Variants in NBAS observed in about 807,000 individuals in gnomAD.
NBAS encodes NAG/BC035112 fusion.
Under a neutral mutation model 302.5 loss-of-function variants are expected in NBAS, and 219 were observed. The observed-to-expected ratio is 0.72, with a 90% confidence interval of 0.65 to 0.81. The LOEUF is 0.81. Ranked by LOEUF, NBAS falls within the 30% of genes least tolerant of loss-of-function variation. The pLI, the probability that NBAS is intolerant of heterozygous loss-of-function variation, is 0.00. For missense variants in NBAS, 2,932 were observed against 2,841.6 expected, an observed-to-expected ratio of 1.03 and a Z score of -0.72; for synonymous variants, 1,118 against 1,021.6, an observed-to-expected ratio of 1.09 and a Z score of -1.80.
chr2:15,386,718 A>G (rs945016569), intron 28 of NBAS, among the ~76,000 whole-genome samples: 2 of 152,224 alleles, frequency 1.3e-5, no homozygotes, highest in African/African-American at 4.8e-5. Flanking sequence ...AAACTAAATG[A>G]CTACTAGGTC....
chr2:15,262,730 T>C (rs1338432608), intron 44 of NBAS, among the ~76,000 whole-genome samples: 1 of 152,200 alleles, frequency 6.6e-6, no homozygotes, highest in African/African-American at 2.4e-5. Context: ...TTAAAATTGT[T>C]TTCTCTGTTC....
Position 15,500,502 on chromosome 2 carries a change from TCACACA to T in NBAS, c.954+3637_954+3642del, listed in dbSNP as rs72095633. ...TCTACACCATTATATTTTAGAAGTC[TCACACA>T]CACACACACACACACACACACACAC... On this transcript the variant is annotated intron_variant, in intron 11 of 51. Transcript: ENST00000281513. Among the ~76,000 whole-genome samples, 244 of 136,228 alleles carry T rather than the reference TCACACA, an allele frequency of 1.8e-3. 1 individual carries two copies. The highest frequency in any genetic ancestry group is 5.4e-3 in the Admixed American group (72 of 13,376). 89.4% of individuals were successfully genotyped at this position (136,228 alleles called of 152,430 possible).
At chr2:15,531,129 G>T (rs1382726477) in intron 9 of NBAS, among the ~76,000 whole-genome samples, 2 of 152,050 alleles carry the variant, frequency 1.3e-5, no homozygotes, top group Non-Finnish European at 2.9e-5. Flanking sequence ...GATATGCAGG[G>T]CTTCAAAAAA....
intron 38 of NBAS, among the ~76,000 whole-genome samples, chr2:15,311,288 T>C (rs1301141276): frequency 6.6e-6 from 1 of 152,162 alleles, no homozygotes; most frequent in African/African-American, 2.4e-5. Context: ...ATCTTTCTGG[T>C]TTTCAAAGCA....
intron 38 of NBAS, among the ~76,000 whole-genome samples, chr2:15,320,399 G>A (rs756731097): frequency 6.6e-6 from 1 of 152,162 alleles, no homozygotes; most frequent in Non-Finnish European, 1.5e-5. Flanking sequence ...TCTGGCCAGG[G>A]CAATCAGGCA....
intron 9 of NBAS, among the ~76,000 whole-genome samples, chr2:15,515,724 G>C (rs894719833): frequency 6.6e-6 from 1 of 152,104 alleles, no homozygotes; most frequent in South Asian, 2.1e-4. Flanking sequence ...GGCTTCCAGG[G>C]CAACACTGGC....
chr2:15,526,953 TC>T, intron 9 of NBAS, among the ~76,000 whole-genome samples: 1 of 152,278 alleles, frequency 6.6e-6, no homozygotes, highest in East Asian at 1.9e-4. Flanking sequence ...CCACTTACCT[TC>T]CTGAAATAAT....
rs771628031 is a variant in NBAS at position 15,356,373 on chromosome 2, T to C, written c.3861A>G (p.Leu1287=). The C allele has an allele frequency of 6.2e-7, 1 of 1,613,884 alleles. No homozygotes were observed. Among genetic ancestry groups the C allele is most frequent in the South Asian group, 1.1e-5 (1 of 91,074 alleles). The change falls in exon 33 of 52, where the codon TTA becomes TTG. Residue 1287 remains leucine (L), a synonymous_variant. Transcript: ENST00000281513. ...EERRGQVLIL[L]VEQALRFHDY... Reference sequence around the variant, plus strand: ...CATGGAAGCGAAGTGCCTGCTCCACTAAAAGGATTAGAACCTGTCCCCGCC... The same window carrying C: ...CATGGAAGCGAAGTGCCTGCTCCACCAAAAGGATTAGAACCTGTCCCCGCC...
At chr2:14,987,268 C>T in the NBAS span, among the ~76,000 whole-genome samples, 1 of 151,960 alleles carries the variant, frequency 6.6e-6, no homozygotes, top group Non-Finnish European at 1.5e-5. Flanking sequence ...CTGAAATTAT[C>T]AAAGCACCAA....
the NBAS span, among the ~76,000 whole-genome samples, chr2:14,958,965 T>G: frequency 1.3e-5 from 2 of 151,846 alleles, no homozygotes; most frequent in African/African-American, 4.8e-5. Flanking sequence ...GGAGGAAGGG[T>G]GGAGTAACAC....
At chr2:14,794,507 T>TA in the NBAS span, among the ~76,000 whole-genome samples, 1 of 152,226 alleles carries the variant, frequency 6.6e-6, no homozygotes. Flanking sequence ...CCATTCATTG[T>TA]AAATGGTATT....
chr2:15,192,973 T>A (rs767386204), intron 48 of NBAS, among the ~76,000 whole-genome samples: 1 of 152,170 alleles, frequency 6.6e-6, no homozygotes, highest in African/African-American at 2.4e-5. Flanking sequence ...TTTCAGAAAC[T>A]GTAATATACA....
At chr2:14,877,832 T>G in the NBAS span, among the ~76,000 whole-genome samples, 1 of 152,190 alleles carries the variant, frequency 6.6e-6, no homozygotes, top group Non-Finnish European at 1.5e-5. Flanking sequence ...TGAGACTCTT[T>G]TTATATGCTA....
chr2:15,341,402 G>GACTA (rs1672844855), intron 35 of NBAS, among the ~76,000 whole-genome samples: 1 of 148,134 alleles, frequency 6.8e-6, no homozygotes, highest in Non-Finnish European at 1.5e-5. Context: ...ATAAATAAAT[G>GACTA]AATAAATAAA....
chr2:15,098,506 A>G, the NBAS span, among the ~76,000 whole-genome samples: 3 of 100,452 alleles, frequency 3.0e-5, no homozygotes, highest in African/African-American at 1.3e-4. Flanking sequence ...TATGTTATAT[A>G]TTATATATTG....
chr2:14,869,055 A>G, the NBAS span, among the ~76,000 whole-genome samples: 3 of 152,180 alleles, frequency 2.0e-5, no homozygotes, highest in South Asian at 6.2e-4. Context: ...AAAGAAATAG[A>G]AAAAACTCTA....
At chr2:15,157,066 C>A in the NBAS span, among the ~76,000 whole-genome samples, 3 of 152,100 alleles carry the variant, frequency 2.0e-5, no homozygotes, top group Non-Finnish European at 4.4e-5. Context: ...CCTGTCTATG[C>A]AAACCAGGAG....
the NBAS span, among the ~76,000 whole-genome samples, chr2:14,917,321 G>T: frequency 6.6e-6 from 1 of 152,174 alleles, no homozygotes; most frequent in East Asian, 1.9e-4. Context: ...TGGACTGAAA[G>T]CCTCAGTTTA....
At chr2:15,228,375 T>C (rs1487698929) in intron 47 of NBAS, among the ~76,000 whole-genome samples, 1 of 152,172 alleles carries the variant, frequency 6.6e-6, no homozygotes, top group Non-Finnish European at 1.5e-5. Context: ...AAGTGGACCC[T>C]TATACACTGT....
Sources: gnomAD v4.1 joint callset for allele counts (sites outside exome capture counted in the v4.1 genomes callset) on GRCh38, gnomAD v4.1.1 for gene constraint, MANE v1.5 for transcripts, NCBI Gene and HGNC (gene_info 2026-07-23, HGNC 2026-07-21) for gene names.